Variants in PRR12 observed in about 807,000 individuals in gnomAD.
PRR12 encodes proline rich 12, also known as proline-rich protein 12.
A neutral mutation model predicts 138.0 loss-of-function variants in PRR12; 12 were observed. That is an observed-to-expected ratio of 0.09 (90% confidence interval 0.06 to 0.14). The LOEUF is 0.14. Ranked by LOEUF, PRR12 falls within the 10% of genes least tolerant of loss-of-function variation. The probability of loss-of-function intolerance (pLI) is 1.00; values close to 1 mark genes in which losing one functional copy is unlikely to be tolerated. For missense variants in PRR12, 2,692 were observed against 2,861.3 expected, an observed-to-expected ratio of 0.94 and a Z score of 1.35; for synonymous variants, 1,567 against 1,291.7, an observed-to-expected ratio of 1.21 and a Z score of -4.57.
chr19:49,599,928 T>C lies in PRR12; in HGVS notation c.4335T>C (p.Asn1445=). The C allele has an allele frequency of 6.2e-7, 1 of 1,602,610 alleles. No individual in the cohort carries two copies. The highest frequency in any genetic ancestry group is 8.5e-7 in the Non-Finnish European group (1 of 1,173,404). ...CGGGGCTCCCCAGTGCCAACAGCAA[T>C]GGCACTCCCGGTGAGCTCTGGGCAG... ...PLPGLPSANS[N]GTPEPPLLEE... is the part of the protein sequence containing the mutation. The change falls in exon 5 of 14, where the codon AAT becomes AAC. Residue 1445 remains asparagine, a synonymous_variant. Coordinates refer to ENST00000418929, the MANE Select transcript of PRR12 (RefSeq NM_020719.3). The surrounding 1 kb of genome is among the most constrained non-coding windows in gnomAD (Gnocchi z 5.0).
Position 49,620,348 on chromosome 19 carries a change from G to T in PRR12, c.5498-4G>T, listed in dbSNP as rs1431942320. On this transcript the variant is annotated splice_region_variant and splice_polypyrimidine_tract_variant and intron_variant, in intron 9 of 13. Coordinates refer to ENST00000418929, the MANE Select transcript of PRR12 (RefSeq NM_020719.3). The stretch of plus-strand genomic sequence containing the variant: ...AACGAGCCTGCGTCCTGTCTTTTCT[G>T]CAGAGCGGGCAGTACCTGGGCGTCT... 28 of 1,612,994 alleles carry T rather than the reference G, an allele frequency of 1.7e-5. No individual in the cohort carries two copies. Among genetic ancestry groups the T allele is most frequent in the Non-Finnish European group, 2.3e-5 (27 of 1,179,480 alleles).
chr19:49,610,546 A>ATTTTTTTTTTTTTT lies in PRR12; in HGVS notation c.4774-3986_4774-3973dup, dbSNP rs922178889. 4.1e-4 allele frequency among the ~76,000 whole-genome samples: 50 copies of ATTTTTTTTTTTTTT among 121,616 alleles called. 2 individuals are homozygous for ATTTTTTTTTTTTTT. The highest frequency in any genetic ancestry group is 1.0e-3 in the African/African-American group (28 of 27,954). The allele number at this position is 121,616 out of a possible 152,430, so 79.8% of individuals were successfully genotyped here. On this transcript the variant is annotated intron_variant, in intron 6 of 13. Coordinates refer to ENST00000418929, the MANE Select transcript of PRR12 (RefSeq NM_020719.3). ...CATGCCATGGTAAAACCCTGTTCCT[A>ATTTTTTTTTTTTTT]TTTTTTTTTTTTTTGAGATGGAGTC... is the stretch of plus-strand genomic sequence containing the variant.
chr19:49,594,355 C>G lies in PRR12; in HGVS notation c.200-99C>G, dbSNP rs1251235082. 2 of 1,266,426 alleles carry G rather than the reference C, an allele frequency of 1.6e-6. No homozygotes were observed. Among genetic ancestry groups the G allele is most frequent in the African/African-American group, 1.5e-5 (1 of 66,328 alleles). 78.4% of individuals were successfully genotyped at this position (1,266,426 alleles called of 1,614,324 possible). ...TTGCCCTTTTCTCTCCCATCCCCTC[C>G]TTTTCCTGATCCAACTTGCTTTTGG... is the stretch of plus-strand genomic sequence containing the variant. On this transcript the variant is annotated intron_variant, in intron 2 of 13. Coordinates refer to ENST00000418929, the MANE Select transcript of PRR12 (RefSeq NM_020719.3). This position sits in a 1 kb window ranked among gnomAD's most constrained non-coding sequence, Gnocchi z 5.6.
At position 49,597,524 on chromosome 19, in the gene PRR12, C is replaced by G; in HGVS notation, c.3189C>G (p.Ile1063Met). 6.4e-7 allele frequency: 1 copy of G among 1,563,114 alleles called. No homozygotes were observed. Among genetic ancestry groups the G allele is most frequent in the Non-Finnish European group, 8.7e-7 (1 of 1,156,018 alleles). Residue 1063 changes from isoleucine (I) to methionine (M), a missense_variant, in exon 4 of 14, where the codon ATC becomes ATG. Physicochemically the swap from Ile to Met is conservative, Grantham distance 10 (BLOSUM62 1). Transcript: ENST00000418929. This position sits in a 1 kb window ranked among gnomAD's most constrained non-coding sequence, Gnocchi z 6.3. Reference sequence around the variant, plus strand: ...CCAAGGGTGGCCTCACCTCGCCCATCTTCTGCTCTACCAAGCCAAAGAAGC... The same window carrying G: ...CCAAGGGTGGCCTCACCTCGCCCATGTTCTGCTCTACCAAGCCAAAGAAGC... ...SEPKGGLTSP[I>M]FCSTKPKKLL...
In PRR12 at chr19:49,595,710, C is replaced by A; in HGVS notation, c.1375C>A (p.Gln459Lys). 1 of 1,591,646 alleles carries A rather than the reference C, an allele frequency of 6.3e-7. No homozygotes were observed. The highest frequency in any genetic ancestry group is 1.1e-5 in the South Asian group (1 of 88,258). ...QGLLGPQAYG[Q>K]GFGGGQAQDL... ...GCTTCTGGGACCCCAGGCCTACGGG[C>A]AAGGGTTTGGAGGGGGGCAGGCACA... Residue 459 changes from glutamine (Q) to lysine (K), a missense_variant, in exon 4 of 14, where the codon CAA becomes AAA. By Grantham distance (53) the Gln-to-Lys change is moderately conservative. Transcript: ENST00000418929.
chr19:49,617,202 A>AC (rs1187130074), intron 9 of PRR12, among the ~76,000 whole-genome samples: 6 of 152,158 alleles, frequency 3.9e-5, no homozygotes, highest in African/African-American at 1.4e-4. Flanking sequence ...TCACATATGT[A>AC]CAGTAAGGGT....
rs1392004214 is a variant in PRR12 at position 49,597,309 on chromosome 19, C to T, written c.2974C>T (p.Pro992Ser). Residue 992 changes from proline to serine, a missense_variant, in exon 4 of 14, where the codon CCC (proline) becomes TCC (serine). This residue lies in a region of PRR12 where 840 missense variants were observed against 689.8 expected (regional missense o/e 1.22). Coordinates refer to ENST00000418929, the MANE Select transcript of PRR12 (RefSeq NM_020719.3). This position sits in a 1 kb window ranked among gnomAD's most constrained non-coding sequence, Gnocchi z 6.3. ...PGPPAYDPYG[P>S]YCPGRASGAG... ...CCCCCCTGCTTATGATCCCTATGGGCCCTACTGTCCTGGCCGGGCGTCGGG... is the reference window on the plus strand; with the variant it reads ...CCCCCCTGCTTATGATCCCTATGGGTCCTACTGTCCTGGCCGGGCGTCGGG... The T allele has an allele frequency of 1.9e-6, 3 of 1,557,418 alleles. No individual in the cohort carries two copies. The highest frequency in any genetic ancestry group is 8.7e-7 in the Non-Finnish European group (1 of 1,154,154).
intron 2 of PRR12, 53 bp downstream of exon 2, chr19:49,593,492 G>A: frequency 1.2e-6 from 1 of 804,882 alleles, no homozygotes; most frequent in East Asian, 2.8e-5. Context: ...TCCCCCCGAG[G>A]CAGCTGATTG....
rs1048635796 is a variant in PRR12, at chr19:49,625,482, G to A, written c.5986G>A (p.Ala1996Thr). Residue 1996 changes from alanine (A) to threonine (T), a missense_variant, in exon 14 of 14, where the codon GCC becomes ACC. Physicochemically the swap from Ala to Thr is moderately conservative, Grantham distance 58. Around this residue, in one of 11 missense-constraint regions of PRR12, gnomAD observed 116 missense variants for 243.4 expected, o/e 0.48. Transcript: ENST00000418929. This position sits in a 1 kb window ranked among gnomAD's most constrained non-coding sequence, Gnocchi z 5.5. ...RDQTLAIEGG[A>T]EDLGQEEVVQ... ...GCAGACCCTGGCCATCGAGGGCGGC[G>A]CCGAGGACCTGGGCCAGGAGGAGGT... 12 of 1,608,702 alleles carry A rather than the reference G, an allele frequency of 7.5e-6. No individual in the cohort carries two copies. Among genetic ancestry groups the A allele is most frequent in the South Asian group, 1.1e-5 (1 of 90,172 alleles).
At chr19:49,607,883 G>A (rs1045662734) in intron 6 of PRR12, among the ~76,000 whole-genome samples, 1 of 151,680 alleles carries the variant, frequency 6.6e-6, no homozygotes, top group African/African-American at 2.4e-5. Flanking sequence ...GCCGGGCGTG[G>A]GGGTGGGCAC....
In PRR12 at chr19:49,614,721, G is replaced by C; in HGVS notation, c.4890+72G>C. The C allele has an allele frequency of 1.3e-6, 2 of 1,484,460 alleles. No homozygotes were observed. The highest frequency in any genetic ancestry group is 1.8e-6 in the Non-Finnish European group (2 of 1,090,900). 92.0% of individuals were successfully genotyped at this position (1,484,460 alleles called of 1,614,324 possible). On this transcript the variant is annotated intron_variant, in intron 7 of 13. Coordinates refer to ENST00000418929, the MANE Select transcript of PRR12 (RefSeq NM_020719.3). The surrounding 1 kb of genome is among the most constrained non-coding windows in gnomAD (Gnocchi z 5.0). ...TATCTAGGAGCTGGGGTTCCCCTTA[G>C]TGTGGCTGTGACTCACTCCACAGTG...
chr19:49,593,485 C>A, intron 2 of PRR12, 46 bp downstream of exon 2: 1 of 858,630 alleles, frequency 1.2e-6, no homozygotes, highest in Non-Finnish European at 1.9e-6. Context: ...CTCCCCCTCC[C>A]CCCGAGGCAG....
Position 49,596,177 on chromosome 19 carries a change from C to T in PRR12, c.1842C>T (p.Gly614=). 1 of 1,609,810 alleles carries T rather than the reference C, an allele frequency of 6.2e-7. No individual in the cohort carries two copies. Among genetic ancestry groups the T allele is most frequent in the Non-Finnish European group, 8.5e-7 (1 of 1,179,784 alleles). The change falls in exon 4 of 14, where the codon GGC becomes GGT. Residue 614 remains glycine, a synonymous_variant. Coordinates refer to ENST00000418929, the MANE Select transcript of PRR12 (RefSeq NM_020719.3). This position sits in a 1 kb window ranked among gnomAD's most constrained non-coding sequence, Gnocchi z 5.6. The part of the protein sequence containing the change: ...GAGSYAAGAG[G]YKGKGDGSEL... ...GCAGCTATGCAGCCGGAGCAGGTGG[C>T]TACAAGGGCAAGGGGGATGGCTCGG...
At chr19:49,592,709 C>CT (rs1184072479) in intron 1 of PRR12, among the ~76,000 whole-genome samples, 2 of 152,080 alleles carry the variant, frequency 1.3e-5, no homozygotes, top group Non-Finnish European at 2.9e-5. Context: ...TTGCATGGGC[C>CT]CATGCATTTG....
Position 49,614,233 on chromosome 19 carries a change from A to G in PRR12, c.4774-300A>G, listed in dbSNP as rs2080880347. On this transcript the variant is annotated intron_variant, in intron 6 of 13. Transcript: ENST00000418929. The surrounding 1 kb of genome is among the most constrained non-coding windows in gnomAD (Gnocchi z 5.0). ...TAGCAGGCGGTGTTCAAAGATTGTC[A>G]TTACTCTGAGTCACACAGGAAGTTT... Among the ~76,000 whole-genome samples the G allele has an allele frequency of 6.6e-6, 1 of 152,172 alleles. No homozygotes were observed. Among genetic ancestry groups the G allele is most frequent in the Non-Finnish European group, 1.5e-5 (1 of 68,034 alleles).
chr19:49,592,395 C>T (rs2080734506), intron 1 of PRR12, among the ~76,000 whole-genome samples: 1 of 152,184 alleles, frequency 6.6e-6, no homozygotes, highest in African/African-American at 2.4e-5. Context: ...AGTCTGGCCA[C>T]GGACTGGTGC....
rs2080783179 is a variant in PRR12 at position 49,597,643 on chromosome 19, C to T, written c.3308C>T (p.Ala1103Val). The T allele has an allele frequency of 6.2e-7, 1 of 1,608,700 alleles. No individual in the cohort carries two copies. Among genetic ancestry groups the T allele is most frequent in the South Asian group, 1.1e-5 (1 of 90,260 alleles). ...TACGCCCAGGAGTACGAGTTCGAGG[C>T]GGACGAGGACAAGGCCGATGTTCCC... ...KLYAQEYEFEADEDKADVPAD... is the reference protein window; with the variant it reads ...KLYAQEYEFEVDEDKADVPAD... Residue 1103 changes from alanine (A) to valine (V), a missense_variant, in exon 4 of 14, where the codon GCG becomes GTG. Coordinates refer to ENST00000418929, the MANE Select transcript of PRR12 (RefSeq NM_020719.3). This position sits in a 1 kb window ranked among gnomAD's most constrained non-coding sequence, Gnocchi z 6.3.
Position 49,595,975 on chromosome 19 carries a change from G to T in PRR12, c.1640G>T (p.Gly547Val). The T allele has an allele frequency of 6.2e-7, 1 of 1,600,612 alleles. No homozygotes were observed. Among genetic ancestry groups the T allele is most frequent in the South Asian group, 1.1e-5 (1 of 91,066 alleles). The change falls in exon 4 of 14, where the codon GGC (glycine) becomes GTC (valine). Residue 547 changes from glycine (G) to valine (V), a missense_variant. Transcript: ENST00000418929. ...CCAGCGCTCTCGGGCCATGGGGGTG[G>T]CTGGGGACCCAGCTCCCTGGGAGGC... ...HSPALSGHGGGWGPSSLGGGG... is the reference protein window; with the variant it reads ...HSPALSGHGGVWGPSSLGGGG...
At chr19:49,618,104 T>A (rs1032054948) in intron 9 of PRR12, among the ~76,000 whole-genome samples, 2 of 152,082 alleles carry the variant, frequency 1.3e-5, no homozygotes, top group African/African-American at 4.8e-5. Context: ...TCTCAATAAA[T>A]GAATGAACGA....
Sources: gnomAD v4.1 joint callset for allele counts (sites outside exome capture counted in the v4.1 genomes callset) on GRCh38, gnomAD v4.1.1 for gene constraint, gnomAD v4.1.1 regional missense constraint, Gnocchi (gnomAD v3.1) non-coding constraint, MANE v1.5 for transcripts, NCBI Gene and HGNC (gene_info 2026-07-23, HGNC 2026-07-21) for gene names.